Variants in SNRPN observed in about 807,000 individuals in gnomAD.
The protein encoded by SNRPN is small nuclear ribonucleoprotein-associated protein N.
SNRPN carries 7 observed loss-of-function variants against 25.2 expected under a neutral mutation model. The ratio of observed to expected loss-of-function variants is 0.28; its 90% CI spans 0.16 to 0.52. The LOEUF is 0.52. Ranked by LOEUF, SNRPN falls within the 20% of genes least tolerant of loss-of-function variation. The pLI is 0.96. For synonymous variants in SNRPN, 124 were observed against 110.6 expected, an observed-to-expected ratio of 1.12 and a Z score of -0.76; for missense variants, 196 against 322.5, an observed-to-expected ratio of 0.61 and a Z score of 3.00.
chr15:24,965,935 T>C (rs768991406), intron 2 of SNRPN, among the ~76,000 whole-genome samples: 9 of 107,246 alleles, frequency 8.4e-5, no homozygotes, highest in Non-Finnish European at 1.2e-4. Flanking sequence ...AGTTGTCATT[T>C]GTAAACAGAG....
chr15:24,977,894 C>T lies in SNRPN; in HGVS notation c.537C>T (p.Val179=), dbSNP rs764108793. The change falls in exon 8 of 10, where the codon GTC becomes GTT. Residue 179 remains valine, a synonymous_variant. Transcript: ENST00000390687. ...GACGGGGCACTCCGCCCCCACCCGT[C>T]GGCAGAGCAACCCCACCTCCAGGTA... ...PPGRGTPPPP[V]GRATPPPGIM... The T allele has an allele frequency of 2.0e-5, 32 of 1,578,188 alleles. No individual in the cohort carries two copies. Among genetic ancestry groups the T allele is most frequent in the Admixed American group, 5.7e-5 (3 of 52,714 alleles).
chr15:24,950,940 G>A (rs555607691), upstream of SNRPN, among the ~76,000 whole-genome samples: 38 of 151,124 alleles, frequency 2.5e-4, no homozygotes, highest in African/African-American at 7.8e-4. Context: ...CCCTCACCGC[G>A]ACCTCTGCCT....
At chr15:24,972,527 G>A (rs1271374747) in intron 3 of SNRPN, among the ~76,000 whole-genome samples, 1 of 150,394 alleles carries the variant, frequency 6.6e-6, no homozygotes, top group Non-Finnish European at 1.5e-5. Flanking sequence ...ATGACAGCCA[G>A]GCATTAGAGT....
rs1555404324 is a variant in SNRPN at position 24,956,355 on chromosome 15, G to GGGGGC, written c.-391+1297_-391+1298insCGGGG. 1.2e-4 allele frequency among the ~76,000 whole-genome samples: 8 copies of GGGGGC among 66,084 alleles called. 1 individual carries two copies. Among genetic ancestry groups the GGGGGC allele is most frequent in the Admixed American group, 9.1e-4 (5 of 5,468 alleles). 43.4% of individuals were successfully genotyped at this position (66,084 alleles called of 152,430 possible). A position where few individuals can be genotyped will look rare whatever the true frequency, so the allele number is the denominator to read the frequency against. ...CTTAGATCTGCGCAAGCGCTTCAGC[G>GGGGGC]GGGGGGTGGCCGCTTCCTCCCTGTA... On this transcript the variant is annotated intron_variant, in intron 1 of 9. Coordinates refer to ENST00000390687, the MANE Select transcript of SNRPN (RefSeq NM_003097.6).
At chr15:24,964,575 G>C (rs2075346204) in intron 2 of SNRPN, among the ~76,000 whole-genome samples, 1 of 152,160 alleles carries the variant, frequency 6.6e-6, no homozygotes, top group Non-Finnish European at 1.5e-5. Flanking sequence ...TAGGATTACA[G>C]GTGTGAGCCA....
intron 3 of SNRPN, among the ~76,000 whole-genome samples, chr15:24,943,946 T>C (rs945527945): frequency 8.5e-5 from 13 of 152,128 alleles, no homozygotes; most frequent in African/African-American, 3.1e-4. Flanking sequence ...CTCAGCCTCC[T>C]GAGTAGCTGG....
At chr15:24,894,660 T>G (rs1161118223) in intron 2 of SNRPN, among the ~76,000 whole-genome samples, 1 of 152,250 alleles carries the variant, frequency 6.6e-6, no homozygotes, top group Non-Finnish European at 1.5e-5. Context: ...TATAATTTTT[T>G]TCCTATCCAT....
At chr15:24,885,307 A>G (rs775705573) in intron 1 of SNRPN, among the ~76,000 whole-genome samples, 13 of 152,146 alleles carry the variant, frequency 8.5e-5, no homozygotes, top group Non-Finnish European at 1.9e-4. Flanking sequence ...CTCAAGATGG[A>G]GCTGAACTTA....
At chr15:24,931,514 A>G (rs1458290421) in intron 3 of SNRPN, among the ~76,000 whole-genome samples, 2 of 151,880 alleles carry the variant, frequency 1.3e-5, no homozygotes, top group Non-Finnish European at 2.9e-5. Flanking sequence ...TGCTTGAGCC[A>G]GGGGTTTGAG....
At chr15:24,837,749 G>C (rs2051342771) in intron 2 of SNRPN, among the ~76,000 whole-genome samples, 1 of 150,408 alleles carries the variant, frequency 6.6e-6, no homozygotes, top group Admixed American at 6.6e-5. Context: ...TTTTGAGTTG[G>C]AGTCTCACTC....
chr15:24,931,675 C>T (rs2060867273), intron 3 of SNRPN, among the ~76,000 whole-genome samples: 1 of 151,200 alleles, frequency 6.6e-6, no homozygotes, highest in African/African-American at 2.4e-5. Flanking sequence ...ACTGTCTCTA[C>T]AAAAATACAA....
chr15:24,873,997 C>G (rs1292315750), intron 1 of SNRPN, among the ~76,000 whole-genome samples: 1 of 148,826 alleles, frequency 6.7e-6, no homozygotes, highest in East Asian at 2.0e-4. Context: ...AACAAACTCA[C>G]TTAAATATTC....
chr15:24,843,985 A>G (rs908536499), intron 2 of SNRPN, among the ~76,000 whole-genome samples: 2 of 151,510 alleles, frequency 1.3e-5, no homozygotes, highest in Admixed American at 1.3e-4. Flanking sequence ...AAAAAAAAAA[A>G]ACGTATGATT....
intron 2 of SNRPN, among the ~76,000 whole-genome samples, 199 bp from the exon 3 acceptor site, chr15:24,967,733 C>A (rs1032032619): frequency 1.3e-5 from 2 of 148,574 alleles, no homozygotes; most frequent in African/African-American, 5.0e-5. Flanking sequence ...ACTTGAACCC[C>A]GAAGGCAGTG....
At chr15:24,955,709 G>C (rs967796161) in intron 1 of SNRPN, among the ~76,000 whole-genome samples, 1 of 150,810 alleles carries the variant, frequency 6.6e-6, no homozygotes, top group Non-Finnish European at 1.5e-5. Context: ...GTCGCGGCGC[G>C]GGGAGAGTCC....
chr15:24,959,059 A>G (rs2074353121), intron 1 of SNRPN, among the ~76,000 whole-genome samples: 1 of 152,136 alleles, frequency 6.6e-6, no homozygotes, highest in Non-Finnish European at 1.5e-5. Context: ...GTTAAATTTT[A>G]TGGAAAATTT....
upstream of SNRPN, among the ~76,000 whole-genome samples, chr15:24,855,474 C>T (rs977782223): frequency 6.6e-6 from 1 of 152,178 alleles, no homozygotes; most frequent in South Asian, 2.1e-4. Flanking sequence ...ATGGAAAACA[C>T]ATTCTAGGAC....
intron 2 of SNRPN, among the ~76,000 whole-genome samples, chr15:24,836,318 G>T (rs988824721): frequency 2.6e-5 from 4 of 152,094 alleles, no homozygotes; most frequent in Admixed American, 2.0e-4. Flanking sequence ...TGAGGGCTCT[G>T]CAGGGGAGAA....
At chr15:24,847,987 T>C (rs1195246573) in intron 2 of SNRPN, among the ~76,000 whole-genome samples, 2 of 152,014 alleles carry the variant, frequency 1.3e-5, no homozygotes, top group African/African-American at 4.8e-5. Flanking sequence ...GACTAAAGCC[T>C]TGATGGGTTA....
Sources: gnomAD v4.1 joint callset for allele counts (sites outside exome capture counted in the v4.1 genomes callset) on GRCh38, gnomAD v4.1.1 for gene constraint, MANE v1.5 for transcripts, NCBI Gene and HGNC (gene_info 2026-07-23, HGNC 2026-07-21) for gene names.